Variants in BPIFA3 observed in about 807,000 individuals in gnomAD.
The protein encoded by BPIFA3 is BPI fold-containing family A member 3.
BPIFA3 carries 32 observed loss-of-function variants against 29.7 expected under a neutral mutation model. The ratio of observed to expected loss-of-function variants is 1.08; its 90% confidence interval spans 0.81 to 1.45. BPIFA3 has a LOEUF of 1.45. Among genes scored for constraint, BPIFA3 ranks in the 40% most tolerant of loss-of-function variants. The pLI, the probability that BPIFA3 is intolerant of heterozygous loss-of-function variation, is 0.00. For synonymous variants in BPIFA3, 112 were observed against 113.7 expected (o/e 0.98, Z 0.10); for missense variants, 323 against 311.3 (o/e 1.04, Z -0.28).
intron 6 of BPIFA3, 117 bp from the exon 7 acceptor site, chr20:33,227,421 C>A (rs1043046472): frequency 5.3e-5 from 43 of 818,252 alleles, no homozygotes; most frequent in Middle Eastern, 2.5e-4. Context: ...GGAGGGTTTT[C>A]ACGTGAACGC....
intron 1 of BPIFA3, among the ~76,000 whole-genome samples, chr20:33,220,253 C>T (rs1985449097): frequency 6.6e-6 from 1 of 151,660 alleles, no homozygotes; most frequent in Non-Finnish European, 1.5e-5. Flanking sequence ...AAGAAATTAG[C>T]CGGGCGTGGT....
At chr20:33,219,821 C>T (rs1035221041) in intron 1 of BPIFA3, among the ~76,000 whole-genome samples, 8 of 152,166 alleles carry the variant, frequency 5.3e-5, no homozygotes, top group East Asian at 1.9e-4. Flanking sequence ...TTAAAAAATT[C>T]GTCTGGCCGA....
intron 3 of BPIFA3, 22 bp from the exon 4 acceptor site, chr20:33,225,076 C>T: frequency 6.2e-7 from 1 of 1,611,294 alleles, no homozygotes; most frequent in Non-Finnish European, 8.5e-7. Flanking sequence ...TGCCCTTCCT[C>T]CTCTTCCTCT....
intron 1 of BPIFA3, among the ~76,000 whole-genome samples, chr20:33,219,421 T>C (rs569745104): frequency 3.0e-4 from 45 of 152,338 alleles, no homozygotes; most frequent in African/African-American, 9.9e-4. Context: ...AATTCATCAA[T>C]ATTTTGTTTT....
At chr20:33,224,642 T>C (rs552847589) in intron 3 of BPIFA3, among the ~76,000 whole-genome samples, 180 bp downstream of exon 3, 2 of 152,336 alleles carry the variant, frequency 1.3e-5, no homozygotes, top group Admixed American at 1.3e-4. Context: ...TGAAATATGA[T>C]GACAATCATT....
rs1985812397 is a variant in BPIFA3 at position 33,226,985 on chromosome 20, G to T, written c.677G>T (p.Ser226Ile). Residue 226 changes from serine to isoleucine, a missense_variant, in exon 6 of 7, where the codon AGC becomes ATC. By Grantham distance (142) the Ser-to-Ile change is moderately radical. Coordinates refer to ENST00000375454, the MANE Select transcript of BPIFA3 (RefSeq NM_178466.5). ...CAGCTGGATGTGAAACTGTTGAAAA[G>T]CCTCATAGGTGAGTGTCTGGTCCAT... Reference protein sequence around the residue: ...LGQLDVKLLKSLIEQEAAHEP... With the variant: ...LGQLDVKLLKILIEQEAAHEP... 6.2e-7 allele frequency: 1 copy of T among 1,613,730 alleles called. No homozygotes were observed. Among genetic ancestry groups the T allele is most frequent in the African/African-American group, 1.3e-5 (1 of 74,926 alleles).
upstream of BPIFA3, chr20:33,217,336 CA>C: frequency 5.3e-6 from 3 of 563,848 alleles, no homozygotes; most frequent in South Asian, 8.8e-5. Context: ...CCCAGGGTTC[CA>C]CATGTTGCTC....
At chr20:33,227,347 C>T (rs1985831234) in intron 6 of BPIFA3, among the ~76,000 whole-genome samples, 191 bp from the exon 7 acceptor site, 1 of 152,186 alleles carries the variant, frequency 6.6e-6, no homozygotes, top group African/African-American at 2.4e-5. Flanking sequence ...AGTCCCTGCC[C>T]ATATAGAGCT....
chr20:33,217,798 A>G lies in BPIFA3; in HGVS notation c.127+135A>G, dbSNP rs1357509828. ...CCTCTTCTCTTTTTCTTAGACCTCAAGTACAGAAAATTGAGGTTGTGTTGA... is the reference window on the plus strand; with the variant it reads ...CCTCTTCTCTTTTTCTTAGACCTCAGGTACAGAAAATTGAGGTTGTGTTGA... On this transcript the variant is annotated intron_variant, in intron 1 of 6. Transcript: ENST00000375454. 6 of 1,159,172 alleles carry G rather than the reference A, an allele frequency of 5.2e-6. No individual in the cohort carries two copies. The East Asian group carries it at 1.4e-4, about 27-fold the overall frequency. The allele number at this position is 1,159,172 out of a possible 1,614,324, so 71.8% of individuals were successfully genotyped here.
intron 1 of BPIFA3, among the ~76,000 whole-genome samples, chr20:33,218,631 A>C (rs897886217): frequency 6.6e-6 from 1 of 152,170 alleles, no homozygotes; most frequent in Non-Finnish European, 1.5e-5. Context: ...CTGTGCATGC[A>C]GAGAAAGAGA....
At chr20:33,226,517 T>C in intron 5 of BPIFA3, 27 bp downstream of exon 5, 1 of 1,448,492 alleles carries the variant, frequency 6.9e-7, no homozygotes, top group Non-Finnish European at 9.7e-7. Context: ...CTTTGCATCT[T>C]GAGCATCCTT....
At chr20:33,224,146 G>A (rs1036736533) in intron 2 of BPIFA3, among the ~76,000 whole-genome samples, 185 bp downstream of exon 2, 8 of 152,238 alleles carry the variant, frequency 5.3e-5, no homozygotes, top group African/African-American at 1.9e-4. Flanking sequence ...AATCAAAACT[G>A]TGTGGCACTG....
intron 1 of BPIFA3, among the ~76,000 whole-genome samples, chr20:33,219,041 G>A (rs953182481): frequency 1.3e-5 from 2 of 152,156 alleles, no homozygotes; most frequent in Admixed American, 6.5e-5. Context: ...GAGTAGCTGA[G>A]ATTACAGGTG....
chr20:33,221,305 C>G (rs1221931611), intron 1 of BPIFA3, among the ~76,000 whole-genome samples: 1 of 152,258 alleles, frequency 6.6e-6, no homozygotes, highest in East Asian at 1.9e-4. Context: ...CAGGTGCCCC[C>G]ACTACCACGA....
At chr20:33,225,311 T>C in intron 4 of BPIFA3, 64 bp downstream of exon 4, 1 of 1,606,230 alleles carries the variant, frequency 6.2e-7, no homozygotes, top group East Asian at 2.2e-5. Flanking sequence ...AGCTGCAGGG[T>C]CACTTCCTGA....
chr20:33,222,860 C>G (rs1315944719), intron 1 of BPIFA3, among the ~76,000 whole-genome samples: 2 of 152,168 alleles, frequency 1.3e-5, no homozygotes, highest in Non-Finnish European at 1.5e-5. Flanking sequence ...ATATATTTCT[C>G]TCCTAGTAGA....
intron 1 of BPIFA3, among the ~76,000 whole-genome samples, chr20:33,222,560 A>T: frequency 8.6e-6 from 1 of 116,440 alleles, no homozygotes; most frequent in African/African-American, 4.1e-5. Flanking sequence ...GGACAGATGG[A>T]TGGATGGATG....
intron 3 of BPIFA3, 83 bp downstream of exon 3, chr20:33,224,545 C>A: frequency 8.2e-7 from 1 of 1,222,514 alleles, no homozygotes; most frequent in Non-Finnish European, 1.2e-6. Context: ...CTGATCCCAA[C>A]CTAAATTCAA....
At chr20:33,220,137 G>A (rs58298021) in intron 1 of BPIFA3, among the ~76,000 whole-genome samples, 9,368 of 148,946 alleles carry the variant, frequency 0.063, 1,011 homozygotes, top group African/African-American at 0.22. Flanking sequence ...AGTGGCTCAC[G>A]CCTGTAATCC....
Sources: allele counts gnomAD v4.1 joint callset (sites outside exome capture counted in the v4.1 genomes callset), GRCh38; gene constraint gnomAD v4.1.1; transcripts MANE v1.5; gene names NCBI Gene and HGNC (gene_info 2026-07-23, HGNC 2026-07-21).